EXOC6B: variants seen among roughly 807,000 people sequenced by gnomAD.
The protein encoded by EXOC6B is exocyst complex component 6B.
EXOC6B carries 54 observed loss-of-function variants against 113.5 expected under a neutral mutation model. The ratio of observed to expected loss-of-function variants is 0.48; its 90% CI spans 0.38 to 0.60. EXOC6B has a LOEUF of 0.60. EXOC6B is among the 20% of genes least tolerant of loss of function. EXOC6B has a pLI of 0.00. For missense variants in EXOC6B, 797 were observed against 977.5 expected, an observed-to-expected ratio of 0.82 and a Z score of 2.46; for synonymous variants, 357 against 339.0, an observed-to-expected ratio of 1.05 and a Z score of -0.58.
intron 8 of EXOC6B, among the ~76,000 whole-genome samples, chr2:72,551,733 T>C (rs967729902): frequency 1.3e-5 from 2 of 151,714 alleles, no homozygotes; most frequent in African/African-American, 4.8e-5. Flanking sequence ...CCTGACCTAG[T>C]GATCCGCCCG....
At chr2:72,756,026 A>C (rs1682388829) in intron 1 of EXOC6B, among the ~76,000 whole-genome samples, 1 of 152,226 alleles carries the variant, frequency 6.6e-6, no homozygotes, top group Non-Finnish European at 1.5e-5. Context: ...TTACAAAGTT[A>C]ACTCTCAAAG....
intron 1 of EXOC6B, among the ~76,000 whole-genome samples, chr2:72,766,956 GAAAAAA>G (rs971595036): frequency 3.5e-5 from 2 of 56,880 alleles, no homozygotes; most frequent in African/African-American, 6.2e-5. Context: ...TGTCTCAAAA[GAAAAAA>G]AAAAAAAAAA....
At chr2:72,741,898 G>C (rs1424329683) in intron 1 of EXOC6B, among the ~76,000 whole-genome samples, 1 of 152,132 alleles carries the variant, frequency 6.6e-6, no homozygotes, top group Non-Finnish European at 1.5e-5. Flanking sequence ...ATCTAAATTA[G>C]GCAGTCAATA....
chr2:72,483,456 T>C (rs1310338403), intron 16 of EXOC6B, among the ~76,000 whole-genome samples: 6 of 152,158 alleles, frequency 3.9e-5, no homozygotes, highest in Non-Finnish European at 7.4e-5. Context: ...TTACATGATA[T>C]TGGCAGTTAA....
chr2:72,410,412 T>C (rs899965916), intron 18 of EXOC6B, among the ~76,000 whole-genome samples: 2 of 152,240 alleles, frequency 1.3e-5, no homozygotes, highest in Admixed American at 1.3e-4. Flanking sequence ...AAAACTACTA[T>C]GTGATTTCAG....
intron 20 of EXOC6B, among the ~76,000 whole-genome samples, chr2:72,217,407 G>T (rs913055675): frequency 1.3e-5 from 2 of 152,088 alleles, no homozygotes; most frequent in Admixed American, 6.5e-5. Flanking sequence ...CAGAATCAGG[G>T]TATTAACTAC....
At chr2:72,645,216 G>A (rs1673610999) in intron 6 of EXOC6B, among the ~76,000 whole-genome samples, 2 of 152,112 alleles carry the variant, frequency 1.3e-5, no homozygotes, top group Admixed American at 1.3e-4. Flanking sequence ...ATGGCAAAAA[G>A]ATCAATTCAA....
In EXOC6B at chr2:72,283,471, A is replaced by G. The variant is rs77353137; in HGVS notation, c.2196+51476T>C. Reference sequence around the variant, plus strand: ...AAACCTCTATGGGAACCAGTGCTGCAGTAGGAAAACTTGAACTGTAGTTGA... The same window carrying G: ...AAACCTCTATGGGAACCAGTGCTGCGGTAGGAAAACTTGAACTGTAGTTGA... On this transcript the variant is annotated intron_variant, in intron 20 of 21. Transcript: ENST00000272427. Among the ~76,000 whole-genome samples, 1,460 of 152,304 alleles carry G rather than the reference A, an allele frequency of 9.6e-3. 28 individuals are homozygous for G. The highest frequency in any genetic ancestry group is 0.033 in the African/African-American group (1,364 of 41,558).
intron 19 of EXOC6B, among the ~76,000 whole-genome samples, chr2:72,372,983 C>T (rs547056334): frequency 6.6e-6 from 1 of 151,832 alleles, no homozygotes; most frequent in Admixed American, 6.6e-5. Flanking sequence ...GAATTAAAGA[C>T]TTTAAAATCT....
At chr2:72,691,720 C>T (rs1463904805) in intron 6 of EXOC6B, among the ~76,000 whole-genome samples, 4 of 146,062 alleles carry the variant, frequency 2.7e-5, no homozygotes, top group African/African-American at 5.1e-5. Context: ...TCGCCCTTGT[C>T]GCCCAGGCTG....
At chr2:72,418,482 T>A (rs954326945) in intron 18 of EXOC6B, among the ~76,000 whole-genome samples, 1 of 152,222 alleles carries the variant, frequency 6.6e-6, no homozygotes, top group Non-Finnish European at 1.5e-5. Flanking sequence ...TTGTTTTATA[T>A]ATGTTGATGG....
chr2:72,726,505 C>A (rs1680308053), intron 5 of EXOC6B, among the ~76,000 whole-genome samples: 1 of 152,018 alleles, frequency 6.6e-6, no homozygotes, highest in African/African-American at 2.4e-5. Context: ...AAAAATAATA[C>A]CAGATACAAA....
chr2:72,513,785 G>A lies in EXOC6B; in HGVS notation c.1047-533C>T, dbSNP rs148264602. Among the ~76,000 whole-genome samples the A allele has an allele frequency of 9.8e-3, 1,490 of 151,994 alleles. 15 individuals are homozygous for A. The highest frequency in any genetic ancestry group is 0.014 in the Non-Finnish European group (942 of 67,906). On this transcript the variant is annotated intron_variant, in intron 10 of 21. Transcript: ENST00000272427. ...AAAGGTTTCAAAAATGTGAAGTTAC[G>A]TTTGAACAATCTTGTGGCTTTTTGT...
intron 20 of EXOC6B, among the ~76,000 whole-genome samples, chr2:72,231,382 G>A (rs1681610252): frequency 1.3e-5 from 2 of 152,132 alleles, no homozygotes; most frequent in Admixed American, 1.3e-4. Context: ...GAACAGTAAA[G>A]AAGAAAATGG....
chr2:72,265,239 TTTATTATTATTA>T (rs58637794), intron 20 of EXOC6B, among the ~76,000 whole-genome samples: 5 of 146,876 alleles, frequency 3.4e-5, no homozygotes, highest in South Asian at 2.2e-4. Context: ...TAACTATTCT[TTTATTATTATTA>T]TTATTATTAT....
chr2:72,740,913 T>C (rs922933345), intron 2 of EXOC6B, among the ~76,000 whole-genome samples: 6 of 151,994 alleles, frequency 3.9e-5, no homozygotes, highest in Admixed American at 3.9e-4. Flanking sequence ...CCATCCTGGC[T>C]AACACGGTGA....
Position 72,465,280 on chromosome 2 carries a change from C to A in EXOC6B, c.1860G>T (p.Gln620His). 1.2e-6 allele frequency: 2 copies of A among 1,609,276 alleles called. No individual in the cohort carries two copies. The highest frequency in any genetic ancestry group is 1.1e-5 in the South Asian group (1 of 89,964). ...AGTCATAGTCTGCCAGCTGTAGGAA[C>A]TGGTCAATCTTCTGGTTTAAGTTGG... is the stretch of plus-strand genomic sequence containing the variant. ...IYTNLNQKIDQFLQLADYDWM... is the reference protein window; with the variant it reads ...IYTNLNQKIDHFLQLADYDWM... The change falls in exon 18 of 22, where the codon CAG (glutamine) becomes CAT (histidine). Residue 620 changes from glutamine to histidine, a missense_variant. Coordinates refer to ENST00000272427, the MANE Select transcript of EXOC6B (RefSeq NM_015189.3).
At chr2:72,631,676 T>C (rs1573520558) in intron 6 of EXOC6B, among the ~76,000 whole-genome samples, 1 of 151,784 alleles carries the variant, frequency 6.6e-6, no homozygotes, top group Admixed American at 6.6e-5. Context: ...AGCTAATATA[T>C]GTATTTTTGA....
intron 18 of EXOC6B, among the ~76,000 whole-genome samples, chr2:72,437,129 A>T (rs535009363): frequency 6.6e-6 from 1 of 151,870 alleles, no homozygotes; most frequent in Non-Finnish European, 1.5e-5. Context: ...TTTCTTTGTT[A>T]GTTTTCCTTC....
Sources: gnomAD v4.1 joint callset for allele counts (sites outside exome capture counted in the v4.1 genomes callset) on GRCh38, gnomAD v4.1.1 for gene constraint, MANE v1.5 for transcripts, NCBI Gene and HGNC (gene_info 2026-07-23, HGNC 2026-07-21) for gene names.